STARD8: variants seen among roughly 807,000 people sequenced by gnomAD.
The protein encoded by STARD8 is stAR-related lipid transfer protein 8.
STARD8 carries 25 observed loss-of-function variants against 69.4 expected under a neutral mutation model. The ratio of observed to expected loss-of-function variants is 0.36; its 90% CI spans 0.26 to 0.50. The LOEUF is 0.50. Ranked by LOEUF, STARD8 falls within the 20% of genes least tolerant of loss-of-function variation. The probability of loss-of-function intolerance (pLI) is 0.96; values close to 1 mark genes in which losing one functional copy is unlikely to be tolerated. For missense variants in STARD8, 921 were observed against 932.5 expected (o/e 0.99, Z 0.16); for synonymous variants, 389 against 374.6 (o/e 1.04, Z -0.45).
At chrX:68,691,864 A>G (rs1374329371) in intron 2 of STARD8, among the ~76,000 whole-genome samples, 3 of 112,587 alleles carry the variant, frequency 2.7e-5, no homozygotes, top group Non-Finnish European at 3.7e-5. Context: ...CTCATTAGTC[A>G]TATGATTGTC....
At chrX:68,662,038 G>A (rs370944040) in intron 1 of STARD8, among the ~76,000 whole-genome samples, 12 of 76,181 alleles carry the variant, frequency 1.6e-4, no homozygotes, top group Admixed American at 3.7e-4. Flanking sequence ...TTGGAGTTTC[G>A]CTCTTGTTGC....
chrX:68,675,504 C>T (rs1435409289), intron 2 of STARD8, among the ~76,000 whole-genome samples: 1 of 101,158 alleles, frequency 9.9e-6, no homozygotes, highest in Non-Finnish European at 2.0e-5. Context: ...CCAGACAATA[C>T]AGAAATTATA....
chrX:68,722,200 T>A, intron 11 of STARD8, 39 bp downstream of exon 11: 1 of 1,125,985 alleles, frequency 8.9e-7, no homozygotes, highest in Non-Finnish European at 1.2e-6. Context: ...TTACCAGACC[T>A]GGGGGAACCA....
intron 2 of STARD8, among the ~76,000 whole-genome samples, chrX:68,686,844 T>C (rs1569360325): frequency 9.0e-6 from 1 of 111,637 alleles, no homozygotes; most frequent in Non-Finnish European, 1.9e-5. Flanking sequence ...CTATCCGGCT[T>C]CGTCCCCACC....
At chrX:68,713,132 C>T in intron 3 of STARD8, 147 bp downstream of exon 3, 1 of 537,427 alleles carries the variant, frequency 1.9e-6, no homozygotes, top group Non-Finnish European at 3.0e-6. Context: ...GACTTTGCTC[C>T]TGCAGTTGCA....
intron 2 of STARD8, among the ~76,000 whole-genome samples, chrX:68,709,122 G>T (rs972430670): frequency 8.9e-6 from 1 of 112,521 alleles, no homozygotes; most frequent in Admixed American, 9.3e-5. Flanking sequence ...ATGGTGTATT[G>T]TGGGGAGCCA....
chrX:68,697,122 G>A (rs2079926267), intron 2 of STARD8, among the ~76,000 whole-genome samples: 1 of 111,696 alleles, frequency 9.0e-6, no homozygotes, highest in Admixed American at 9.5e-5. Context: ...ATTTCAATAC[G>A]TATTTCTAAA....
intron 2 of STARD8, among the ~76,000 whole-genome samples, chrX:68,677,345 T>TAAGAA (rs752997765): frequency 5.4e-4 from 60 of 110,938 alleles, no homozygotes; most frequent in African/African-American, 1.8e-3. Context: ...AAGGGCCAAA[T>TAAGAA]AAGAAAAGAG....
At chrX:68,703,688 G>T (rs2079983582) in intron 2 of STARD8, among the ~76,000 whole-genome samples, 1 of 112,312 alleles carries the variant, frequency 8.9e-6, no homozygotes, top group African/African-American at 3.2e-5. Flanking sequence ...GGAAAGGGAA[G>T]TAGGCAAGGG....
At chrX:68,678,603 C>G (rs928842491) in intron 2 of STARD8, among the ~76,000 whole-genome samples, 6 of 111,833 alleles carry the variant, frequency 5.4e-5, no homozygotes, top group Non-Finnish European at 1.1e-4. Flanking sequence ...TTTGGAGAGG[C>G]AGTTCCAGAC....
chrX:68,672,717 CA>C (rs200086268), intron 2 of STARD8, among the ~76,000 whole-genome samples: 3,917 of 109,051 alleles, frequency 0.036, 183 homozygotes, highest in African/African-American at 0.13. Flanking sequence ...AACAGCGCCC[CA>C]CCCCCCATGG....
intron 3 of STARD8, 82 bp downstream of exon 3, chrX:68,713,067 T>C (rs2080064397): frequency 1.0e-6 from 1 of 977,032 alleles, no homozygotes; most frequent in Non-Finnish European, 1.4e-6. Flanking sequence ...AGTCAGATTC[T>C]CTTTCCAACT....
In STARD8 at chrX:68,699,265, G is replaced by A. The variant is rs1456431219; in HGVS notation, c.80-13649G>A. Among the ~76,000 whole-genome samples the A allele has an allele frequency of 3.6e-5, 4 of 112,250 alleles. No homozygotes were observed. In the East Asian group the frequency reaches 1.1e-3, roughly 31 times the overall value. On this transcript the variant is annotated intron_variant, in intron 2 of 14. Coordinates refer to ENST00000374599, the MANE Select transcript of STARD8 (RefSeq NM_001142503.3). ...CCCTCTAGAGGTAGGTATGCAGGCA[G>A]AGCTCAGGGCAGAAGGACCTTTAGA...
At chrX:68,719,675 T>C (rs756364637) in intron 7 of STARD8, among the ~76,000 whole-genome samples, 2 of 112,280 alleles carry the variant, frequency 1.8e-5, no homozygotes, top group African/African-American at 3.2e-5. Flanking sequence ...ATAAACACTT[T>C]TCTCTGGCTC....
intron 3 of STARD8, among the ~76,000 whole-genome samples, chrX:68,713,378 AT>A (rs1569369423): frequency 9.0e-6 from 1 of 110,876 alleles, no homozygotes; most frequent in African/African-American, 3.3e-5. Flanking sequence ...GTTTTCCTTC[AT>A]TTCTCTTTCG....
intron 2 of STARD8, among the ~76,000 whole-genome samples, chrX:68,686,233 T>G (rs2079831167): frequency 2.0e-5 from 2 of 102,300 alleles, no homozygotes; most frequent in African/African-American, 3.6e-5. Context: ...GAAGGGGGAG[T>G]TCCTGCTCAA....
At chrX:68,692,890 A>G (rs972728473) in intron 2 of STARD8, among the ~76,000 whole-genome samples, 3 of 112,584 alleles carry the variant, frequency 2.7e-5, no homozygotes, top group Non-Finnish European at 5.6e-5. Context: ...GGTCCTGGAT[A>G]CTCTCAGACC....
intron 1 of STARD8, among the ~76,000 whole-genome samples, chrX:68,648,387 C>CTATTAT (rs750735740): frequency 2.7e-5 from 3 of 111,039 alleles, no homozygotes; most frequent in Non-Finnish European, 3.8e-5. Flanking sequence ...ACAATGGTAT[C>CTATTAT]TATTATTATT....
chrX:68,668,114 T>TTTC (rs1407242027), intron 2 of STARD8, among the ~76,000 whole-genome samples: 44 of 96,284 alleles, frequency 4.6e-4, no homozygotes, highest in Admixed American at 9.4e-4. Flanking sequence ...TCTTTCTTTC[T>TTTC]GTCTTTCTTT....
Sources: allele counts gnomAD v4.1 joint callset (sites outside exome capture counted in the v4.1 genomes callset), GRCh38; gene constraint gnomAD v4.1.1; transcripts MANE v1.5; gene names NCBI Gene and HGNC (gene_info 2026-07-23, HGNC 2026-07-21).